The following KCNIP4 variants were observed in gnomAD, a reference collection of about 807,000 sequenced individuals.
KCNIP4 encodes the protein potassium voltage-gated channel interacting protein 4.
Under a neutral mutation model 34.0 loss-of-function variants are expected in KCNIP4, and 12 were observed. The observed-to-expected ratio is 0.35, with a 90% CI of 0.23 to 0.57. The LOEUF is 0.57. KCNIP4 is among the 20% of genes least tolerant of loss of function. The pLI is 0.83. For missense variants in KCNIP4, 238 were observed against 311.7 expected (o/e 0.76, Z 1.78); for synonymous variants, 124 against 102.2 (o/e 1.21, Z -1.29).
At chr4:21,332,527 C>G (rs1715759013) in intron 1 of KCNIP4, among the ~76,000 whole-genome samples, 1 of 151,816 alleles carries the variant, frequency 6.6e-6, no homozygotes, top group African/African-American at 2.4e-5. Flanking sequence ...CCCTTCAATC[C>G]CCTCTCTGTA....
intron 1 of KCNIP4, among the ~76,000 whole-genome samples, chr4:20,998,842 G>A (rs947519910): frequency 2.6e-5 from 4 of 152,188 alleles, no homozygotes; most frequent in African/African-American, 9.7e-5. Flanking sequence ...TAATTGTAAA[G>A]TTCTTATGCT....
intron 1 of KCNIP4, among the ~76,000 whole-genome samples, chr4:21,003,592 T>G (rs1738317081): frequency 6.6e-6 from 1 of 152,104 alleles, no homozygotes; most frequent in African/African-American, 2.4e-5. Context: ...CTTAAAGAGG[T>G]TACCATAGGC....
chr4:21,244,056 G>A, intron 1 of KCNIP4, among the ~76,000 whole-genome samples: 1 of 152,102 alleles, frequency 6.6e-6, no homozygotes, highest in East Asian at 1.9e-4. Context: ...AAGAAAATTA[G>A]CACTGGCCCA....
intron 1 of KCNIP4, among the ~76,000 whole-genome samples, chr4:21,039,529 G>T (rs1011641173): frequency 4.6e-5 from 7 of 151,966 alleles, no homozygotes; most frequent in African/African-American, 1.2e-4. Flanking sequence ...TTCTTATAGG[G>T]TGACTAAAAT....
At chr4:21,530,641 A>G (rs1479499640) in intron 1 of KCNIP4, among the ~76,000 whole-genome samples, 2 of 152,222 alleles carry the variant, frequency 1.3e-5, no homozygotes, top group African/African-American at 2.4e-5. Context: ...AAAGCTACAT[A>G]GGACTCATTG....
At chr4:21,087,082 T>G (rs1229576099) in intron 1 of KCNIP4, among the ~76,000 whole-genome samples, 3 of 150,416 alleles carry the variant, frequency 2.0e-5, no homozygotes, top group Admixed American at 6.6e-5. Flanking sequence ...CTGATTCAAG[T>G]GATTCTCCTG....
At chr4:21,182,909 ATATGT>A (rs1472624955) in intron 1 of KCNIP4, among the ~76,000 whole-genome samples, 4 of 152,240 alleles carry the variant, frequency 2.6e-5, no homozygotes, top group African/African-American at 9.6e-5. Context: ...ATTTTCAAAA[ATATGT>A]TATTAACTGT....
At chr4:20,815,776 C>A (rs938833752) in intron 3 of KCNIP4, among the ~76,000 whole-genome samples, 1 of 152,156 alleles carries the variant, frequency 6.6e-6, no homozygotes, top group Non-Finnish European at 1.5e-5. Context: ...TAGCATGTAT[C>A]ACACCCCTTT....
chr4:20,974,922 T>C (rs1577468081), intron 1 of KCNIP4, among the ~76,000 whole-genome samples: 1 of 152,348 alleles, frequency 6.6e-6, no homozygotes, highest in East Asian at 1.9e-4. Context: ...AGCAATGATG[T>C]TAACACTGCA....
intron 1 of KCNIP4, among the ~76,000 whole-genome samples, chr4:21,120,521 T>G (rs919530773): frequency 1.3e-5 from 2 of 152,180 alleles, no homozygotes; most frequent in African/African-American, 4.8e-5. Context: ...CTGGGGAAGC[T>G]TCAGGCAACT....
intron 1 of KCNIP4, among the ~76,000 whole-genome samples, chr4:21,384,660 C>T (rs1190375309): frequency 6.6e-6 from 1 of 152,150 alleles, no homozygotes; most frequent in Non-Finnish European, 1.5e-5. Flanking sequence ...TCAGAAAGGA[C>T]AGAATTGATC....
At chr4:21,124,092 A>G (rs1750405330) in intron 1 of KCNIP4, among the ~76,000 whole-genome samples, 1 of 151,956 alleles carries the variant, frequency 6.6e-6, no homozygotes, top group Non-Finnish European at 1.5e-5. Context: ...AAATCATGAG[A>G]AGGACACTGT....
chr4:21,672,178 T>G (rs952650247), intron 1 of KCNIP4, among the ~76,000 whole-genome samples: 1 of 152,122 alleles, frequency 6.6e-6, no homozygotes, highest in Non-Finnish European at 1.5e-5. Flanking sequence ...AAACAACTAA[T>G]GTAGATGATG....
chr4:21,220,799 C>T (rs1311846526), intron 1 of KCNIP4, among the ~76,000 whole-genome samples: 1 of 151,994 alleles, frequency 6.6e-6, no homozygotes, highest in Admixed American at 6.6e-5. Flanking sequence ...TTAGAAATGT[C>T]TTTAAACTTT....
At chr4:20,887,685 A>G (rs1725463413) in intron 1 of KCNIP4, among the ~76,000 whole-genome samples, 1 of 152,134 alleles carries the variant, frequency 6.6e-6, no homozygotes, top group Non-Finnish European at 1.5e-5. Flanking sequence ...ACTTTTAGAT[A>G]AAATAAACCT....
intron 1 of KCNIP4, among the ~76,000 whole-genome samples, chr4:20,884,287 C>A (rs1725040435): frequency 6.6e-6 from 1 of 152,024 alleles, no homozygotes; most frequent in Non-Finnish European, 1.5e-5. Flanking sequence ...TATACATGTG[C>A]CCTGGTGGTT....
rs73112239 is a variant in KCNIP4 at position 20,802,324 on chromosome 4, C to T, written c.289-43434G>A. ...TGCAATATATATATATGCACACACA[C>T]ACACGTCTCCAACATTGGAACACCT... On this transcript the variant is annotated intron_variant, in intron 3 of 8. Transcript: ENST00000382152. Among the ~76,000 whole-genome samples, 1,004 of 149,822 alleles carry T rather than the reference C, an allele frequency of 6.7e-3. 11 individuals are homozygous for T. Among genetic ancestry groups the T allele is most frequent in the African/African-American group, 0.023 (949 of 40,576 alleles).
chr4:21,169,660 TTGTGTGTGTGTGTGTGTGTGTGTGTG>T (rs58544791), intron 1 of KCNIP4, among the ~76,000 whole-genome samples: 3 of 136,208 alleles, frequency 2.2e-5, no homozygotes, highest in Non-Finnish European at 4.7e-5. Context: ...TACTTTATAT[TTGTGTGTGTGTGTGTGTGTGTGTGTG>T]TGTGTGTGTG....
At chr4:21,464,315 T>C (rs1347584080) in intron 1 of KCNIP4, among the ~76,000 whole-genome samples, 1 of 152,038 alleles carries the variant, frequency 6.6e-6, no homozygotes, top group Non-Finnish European at 1.5e-5. Flanking sequence ...CTTGAGATGT[T>C]ATTATATAGA....
Sources: gnomAD v4.1 joint callset for allele counts (sites outside exome capture counted in the v4.1 genomes callset) on GRCh38, gnomAD v4.1.1 for gene constraint, MANE v1.5 for transcripts, NCBI Gene and HGNC (gene_info 2026-07-23, HGNC 2026-07-21) for gene names.